The following AKT3 variants were observed in gnomAD, a reference collection of about 807,000 sequenced individuals.
The protein encoded by AKT3 is AKT serine/threonine kinase 3, also known as RAC-gamma serine/threonine-protein kinase.
A neutral mutation model predicts 65.3 loss-of-function variants in AKT3; 15 were observed. The observed-to-expected ratio is 0.23, with a 90% CI of 0.15 to 0.35. The LOEUF is 0.35. Ranked by LOEUF, AKT3 falls within the 10% of genes least tolerant of loss-of-function variation. The pLI is 1.00. For missense variants in AKT3, 243 were observed against 576.5 expected, an observed-to-expected ratio of 0.42 and a Z score of 5.92; for synonymous variants, 206 against 183.8, an observed-to-expected ratio of 1.12 and a Z score of -0.98.
At chr1:243,639,356 G>A (rs2147818218) in intron 5 of AKT3, among the ~76,000 whole-genome samples, 1 of 152,200 alleles carries the variant, frequency 6.6e-6, no homozygotes, top group African/African-American at 2.4e-5. Flanking sequence ...ATTAAAATGA[G>A]GAATACTTCT....
chr1:243,579,889 A>C (rs1339296479), intron 8 of AKT3, among the ~76,000 whole-genome samples: 1 of 152,216 alleles, frequency 6.6e-6, no homozygotes, highest in East Asian at 1.9e-4. Flanking sequence ...AGAAACATAA[A>C]ATTTAATTTT....
At chr1:243,597,767 G>T (rs559989261) in intron 8 of AKT3, among the ~76,000 whole-genome samples, 2 of 152,330 alleles carry the variant, frequency 1.3e-5, no homozygotes, top group South Asian at 4.1e-4. Flanking sequence ...CTCCCAAAGT[G>T]CTGGGCATGA....
chr1:243,595,236 T>G (rs1676517307), intron 8 of AKT3, among the ~76,000 whole-genome samples: 1 of 152,156 alleles, frequency 6.6e-6, no homozygotes. Context: ...TTTGCACATC[T>G]AAACACATCT....
chr1:243,508,079 C>T (rs1404517429), intron 13 of AKT3, among the ~76,000 whole-genome samples: 2 of 149,718 alleles, frequency 1.3e-5, no homozygotes, highest in Admixed American at 6.6e-5. Context: ...TCAACAAAAC[C>T]TCTGTGTGTT....
At chr1:243,626,367 A>T (rs1679162147) in intron 6 of AKT3, among the ~76,000 whole-genome samples, 1 of 152,230 alleles carries the variant, frequency 6.6e-6, no homozygotes, top group Non-Finnish European at 1.5e-5. Flanking sequence ...TTAATGCTGC[A>T]CTATCAGAAG....
intron 8 of AKT3, among the ~76,000 whole-genome samples, chr1:243,590,350 C>T (rs987320278): frequency 1.3e-5 from 2 of 151,950 alleles, no homozygotes; most frequent in African/African-American, 2.4e-5. Flanking sequence ...ACACTGTATA[C>T]CTAAAATTTA....
intron 2 of AKT3, among the ~76,000 whole-genome samples, chr1:243,832,668 T>C (rs1694614841): frequency 1.3e-5 from 2 of 152,114 alleles, no homozygotes; most frequent in African/African-American, 2.4e-5. Flanking sequence ...TCCCATTCCT[T>C]GAAACTAGAG....
chr1:243,842,123 T>C (rs1164065278), intron 2 of AKT3, among the ~76,000 whole-genome samples: 1 of 152,188 alleles, frequency 6.6e-6, no homozygotes, highest in Non-Finnish European at 1.5e-5. Flanking sequence ...ACTCATCAAA[T>C]TATGACTTTA....
chr1:243,653,765 A>G (rs1213484145), intron 4 of AKT3, among the ~76,000 whole-genome samples: 2 of 152,198 alleles, frequency 1.3e-5, no homozygotes, highest in Non-Finnish European at 2.9e-5. Flanking sequence ...TGACTGCTAT[A>G]TCATCCTGTT....
intron 2 of AKT3, among the ~76,000 whole-genome samples, chr1:243,781,521 T>C (rs1690916108): frequency 6.6e-6 from 1 of 152,192 alleles, no homozygotes. Context: ...AGAAACACAT[T>C]GTATAAGAAT....
At chr1:243,623,292 T>C (rs1042751938) in intron 6 of AKT3, among the ~76,000 whole-genome samples, 1 of 152,174 alleles carries the variant, frequency 6.6e-6, no homozygotes. Flanking sequence ...AAGGCTCAGG[T>C]AAGCTTCTTT....
chr1:243,780,635 G>A (rs1690848810), intron 2 of AKT3, among the ~76,000 whole-genome samples: 1 of 151,468 alleles, frequency 6.6e-6, no homozygotes, highest in Non-Finnish European at 1.5e-5. Context: ...AGAGGGAACA[G>A]AGGGAAGAAA....
chr1:243,615,244 A>C (rs1678208020), intron 6 of AKT3, 83 bp from the exon 7 acceptor site: 1 of 1,082,114 alleles, frequency 9.2e-7, no homozygotes, highest in African/African-American at 1.6e-5. Flanking sequence ...AAATTGGAAG[A>C]GGTTAAGCCC....
chr1:243,815,137 G>A (rs548900526), intron 2 of AKT3, among the ~76,000 whole-genome samples: 1 of 152,042 alleles, frequency 6.6e-6, no homozygotes, highest in Non-Finnish European at 1.5e-5. Flanking sequence ...ATACGAAGAG[G>A]CTGGGAATTT....
chr1:243,792,439 C>CTA (rs982152724), intron 2 of AKT3, among the ~76,000 whole-genome samples: 2 of 152,088 alleles, frequency 1.3e-5, no homozygotes, highest in African/African-American at 2.4e-5. Context: ...AATTATACAT[C>CTA]TATATATATA....
intron 11 of AKT3, among the ~76,000 whole-genome samples, chr1:243,547,800 A>AT (rs1672777305): frequency 6.6e-6 from 1 of 152,196 alleles, no homozygotes; most frequent in Non-Finnish European, 1.5e-5. Context: ...TGATACCTGA[A>AT]TATCTTTAGT....
chr1:243,791,215 T>C (rs1230547173), intron 2 of AKT3, among the ~76,000 whole-genome samples: 2 of 152,056 alleles, frequency 1.3e-5, no homozygotes, highest in African/African-American at 4.8e-5. Context: ...ACTATATAAA[T>C]AGTCACACTG....
At chr1:243,527,099 G>A (rs78936363) in intron 12 of AKT3, among the ~76,000 whole-genome samples, 3,376 of 152,230 alleles carry the variant, frequency 0.022, 43 homozygotes, top group Middle Eastern at 0.051. Flanking sequence ...CAGAAACACA[G>A]ATGTTTAATG....
chr1:243,747,832 A>G (rs960585988), intron 2 of AKT3, among the ~76,000 whole-genome samples: 3 of 152,238 alleles, frequency 2.0e-5, no homozygotes, highest in African/African-American at 7.2e-5. Context: ...TTTCTTGCAA[A>G]CATGGCTAAA....
Sources: allele counts gnomAD v4.1 joint callset (sites outside exome capture counted in the v4.1 genomes callset), GRCh38; gene constraint gnomAD v4.1.1; transcripts MANE v1.5; gene names NCBI Gene and HGNC (gene_info 2026-07-23, HGNC 2026-07-21).